Variants in MACROD2 observed in about 807,000 individuals in gnomAD.
The protein encoded by MACROD2 is ADP-ribose glycohydrolase MACROD2.
In MACROD2, 36 loss-of-function variants were observed where a neutral mutation model predicts 70.4. The ratio of observed to expected loss-of-function variants is 0.51; its 90% confidence interval spans 0.39 to 0.68. The LOEUF (loss-of-function observed/expected upper bound fraction) is 0.68, where lower values mean the gene tolerates loss of function less well. MACROD2 is among the 30% of genes least tolerant of loss of function. The pLI, the probability that MACROD2 is intolerant of heterozygous loss-of-function variation, is 0.00. For missense variants in MACROD2, 496 were observed against 538.4 expected (o/e 0.92, Z 0.78); for synonymous variants, 172 against 178.8 (o/e 0.96, Z 0.30).
intron 4 of MACROD2, among the ~76,000 whole-genome samples, chr20:14,580,756 G>T (rs1357835626): frequency 6.6e-6 from 1 of 152,172 alleles, no homozygotes; most frequent in African/African-American, 2.4e-5. Context: ...TAACAAGTTT[G>T]TGCCAAACAC....
At chr20:15,405,327 A>G (rs1418350050) in intron 6 of MACROD2, among the ~76,000 whole-genome samples, 1 of 152,158 alleles carries the variant, frequency 6.6e-6, no homozygotes, top group African/African-American at 2.4e-5. Context: ...GAAAAAGGAG[A>G]TTGAGCCAGT....
chr20:15,206,556 C>T (rs1418458042), intron 5 of MACROD2, among the ~76,000 whole-genome samples: 1 of 151,490 alleles, frequency 6.6e-6, no homozygotes, highest in Non-Finnish European at 1.5e-5. Context: ...TTTTATTGTT[C>T]TATTTTCCCT....
intron 5 of MACROD2, among the ~76,000 whole-genome samples, chr20:14,807,316 C>T (rs2072651751): frequency 6.6e-6 from 1 of 152,044 alleles, no homozygotes; most frequent in Non-Finnish European, 1.5e-5. Context: ...TGGAGTCTAA[C>T]CCAAAAAACT....
At chr20:14,068,255 C>T (rs1022217426) in intron 2 of MACROD2, among the ~76,000 whole-genome samples, 1 of 152,046 alleles carries the variant, frequency 6.6e-6, no homozygotes, top group Non-Finnish European at 1.5e-5. Context: ...ACAGATTATC[C>T]TCTCGCACCC....
At chr20:14,344,482 G>T (rs2083045013) in intron 3 of MACROD2, among the ~76,000 whole-genome samples, 1 of 152,124 alleles carries the variant, frequency 6.6e-6, no homozygotes, top group Admixed American at 6.6e-5. Context: ...AGTTCATTCT[G>T]TAAATGATTA....
At chr20:15,104,020 G>T (rs2075892916) in intron 5 of MACROD2, among the ~76,000 whole-genome samples, 1 of 152,138 alleles carries the variant, frequency 6.6e-6, no homozygotes, top group African/African-American at 2.4e-5. Flanking sequence ...AAGTGATGGT[G>T]ATGGCTTTTT....
chr20:14,145,088 G>A (rs908274958), intron 3 of MACROD2, among the ~76,000 whole-genome samples: 1 of 152,100 alleles, frequency 6.6e-6, no homozygotes, highest in Non-Finnish European at 1.5e-5. Flanking sequence ...AACCATGAGT[G>A]CCTTCTCCCT....
intron 9 of MACROD2, among the ~76,000 whole-genome samples, chr20:15,879,870 T>C (rs1026601830): frequency 1.3e-5 from 2 of 152,056 alleles, no homozygotes; most frequent in African/African-American, 2.4e-5. Context: ...ACCGTGTAGT[T>C]GTAGTCTGAA....
At chr20:15,800,700 C>T (rs985560262) in intron 8 of MACROD2, among the ~76,000 whole-genome samples, 1 of 151,966 alleles carries the variant, frequency 6.6e-6, no homozygotes, top group Non-Finnish European at 1.5e-5. Flanking sequence ...CTCAACAGCT[C>T]ATTGAGAACA....
At chr20:15,014,648 C>T (rs1246388723) in intron 5 of MACROD2, among the ~76,000 whole-genome samples, 1 of 152,104 alleles carries the variant, frequency 6.6e-6, no homozygotes, top group Non-Finnish European at 1.5e-5. Flanking sequence ...CTAAAATAAA[C>T]AGGCATTCTT....
intron 4 of MACROD2, among the ~76,000 whole-genome samples, chr20:14,572,074 C>G (rs776020198): frequency 5.8e-4 from 88 of 152,072 alleles, no homozygotes; most frequent in Admixed American, 3.5e-3. Flanking sequence ...ATTTCTTTGC[C>G]ACCTAGATTT....
rs1555784940 is a variant in MACROD2, at chr20:15,123,607, C to CTTTT, written c.419-106331_419-106330insTTTT. Among the ~76,000 whole-genome samples the CTTTT allele has an allele frequency of 9.5e-3, 1,447 of 151,862 alleles. 28 individuals carry two copies. The highest frequency in any genetic ancestry group is 0.033 in the African/African-American group (1,367 of 41,438). The stretch of plus-strand genomic sequence containing the variant: ...AGTAAAGTATGTGAAATTCATTGCA[C>CTTTT]TTATTTTTTAAGTATGGCTACTAAA... On this transcript the variant is annotated intron_variant, in intron 5 of 17. Transcript: ENST00000684519.
intron 5 of MACROD2, among the ~76,000 whole-genome samples, chr20:15,114,874 G>T (rs1568581253): frequency 2.6e-5 from 4 of 152,092 alleles, no homozygotes. Context: ...AAAAACACAT[G>T]ACCCAAACTA....
intron 5 of MACROD2, among the ~76,000 whole-genome samples, chr20:14,832,771 G>A (rs1204121484): frequency 6.6e-6 from 1 of 152,142 alleles, no homozygotes; most frequent in Non-Finnish European, 1.5e-5. Context: ...GATCTTGAGT[G>A]CAAGCAGTTT....
At chr20:15,412,130 C>G (rs1007750863) in intron 6 of MACROD2, among the ~76,000 whole-genome samples, 1 of 152,096 alleles carries the variant, frequency 6.6e-6, no homozygotes, top group African/African-American at 2.4e-5. Flanking sequence ...CACTAGTTCT[C>G]CAAAAGGTGC....
At chr20:14,845,913 T>A (rs1040409330) in intron 5 of MACROD2, among the ~76,000 whole-genome samples, 1 of 152,106 alleles carries the variant, frequency 6.6e-6, no homozygotes, top group African/African-American at 2.4e-5. Flanking sequence ...GTTGGCACCA[T>A]GTAATTGACC....
intron 3 of MACROD2, among the ~76,000 whole-genome samples, chr20:14,299,181 C>T (rs2082453558): frequency 6.6e-6 from 1 of 152,070 alleles, no homozygotes; most frequent in Non-Finnish European, 1.5e-5. Context: ...TCATTGTTGT[C>T]TTATTTTAAG....
At chr20:14,676,126 T>C (rs1600526990) in intron 4 of MACROD2, among the ~76,000 whole-genome samples, 1 of 152,086 alleles carries the variant, frequency 6.6e-6, no homozygotes, top group South Asian at 2.1e-4. Context: ...ACTGTCAATA[T>C]TAGACAGATC....
chr20:14,786,416 C>A (rs537402301), intron 5 of MACROD2, among the ~76,000 whole-genome samples: 2 of 152,138 alleles, frequency 1.3e-5, no homozygotes, highest in Admixed American at 1.3e-4. Flanking sequence ...CCTATTTCTT[C>A]CCTGAGGGAG....
Sources: gnomAD v4.1 joint callset for allele counts (sites outside exome capture counted in the v4.1 genomes callset) on GRCh38, gnomAD v4.1.1 for gene constraint, MANE v1.5 for transcripts, NCBI Gene and HGNC (gene_info 2026-07-23, HGNC 2026-07-21) for gene names.